Variants in TADA2A observed in about 807,000 individuals in gnomAD.
TADA2A encodes transcriptional adaptor 2A, also known as transcriptional adapter 2-alpha.
In TADA2A, 38 loss-of-function variants were observed where a neutral mutation model predicts 67.4. That is an observed-to-expected ratio of 0.56 (90% confidence interval 0.44 to 0.74). The LOEUF is 0.74. Among genes scored for constraint, TADA2A ranks in the 30% least tolerant of loss-of-function variants. The pLI, the probability that TADA2A is intolerant of heterozygous loss-of-function variation, is 0.00. For synonymous variants in TADA2A, 192 were observed against 181.6 expected, an observed-to-expected ratio of 1.06 and a Z score of -0.46; for missense variants, 454 against 547.0, an observed-to-expected ratio of 0.83 and a Z score of 1.70.
intron 2 of TADA2A, among the ~76,000 whole-genome samples, chr17:37,412,152 A>G (rs891790947): frequency 6.6e-6 from 1 of 150,870 alleles, no homozygotes; most frequent in Admixed American, 6.6e-5. Flanking sequence ...CGGAGCTTGC[A>G]GTGAGCTGAG....
At position 37,437,847 on chromosome 17, in the gene TADA2A, A is replaced by C; in HGVS notation, c.284+18A>C. 3.1e-6 allele frequency: 5 copies of C among 1,609,248 alleles called. No individual in the cohort carries two copies. Among genetic ancestry groups the C allele is most frequent in the Non-Finnish European group, 4.3e-6 (5 of 1,175,552 alleles). Reference sequence around the variant, plus strand: ...GGAAATTGGTAAGAGCTTGGTGTTAAGAGTTGTCCTGCCCTAGTGGACTCA... The same window carrying C: ...GGAAATTGGTAAGAGCTTGGTGTTACGAGTTGTCCTGCCCTAGTGGACTCA... On this transcript the variant is annotated intron_variant, in intron 5 of 15. Transcript: ENST00000615182.
chr17:37,459,361 C>T (rs1268535188), intron 9 of TADA2A, among the ~76,000 whole-genome samples: 1 of 151,280 alleles, frequency 6.6e-6, no homozygotes, highest in African/African-American at 2.4e-5. Context: ...CAGCTCACTG[C>T]AAGTTCTGCC....
At chr17:37,450,061 T>A (rs1360566592) in intron 8 of TADA2A, among the ~76,000 whole-genome samples, 1 of 152,166 alleles carries the variant, frequency 6.6e-6, no homozygotes, top group Non-Finnish European at 1.5e-5. Context: ...ACATTAACGA[T>A]AGCTGATGAG....
At chr17:37,414,135 C>CT (rs1253708395) in intron 2 of TADA2A, among the ~76,000 whole-genome samples, 1 of 152,108 alleles carries the variant, frequency 6.6e-6, no homozygotes, top group Non-Finnish European at 1.5e-5. Context: ...GATCTCATTA[C>CT]TTTTTTATGG....
intron 2 of TADA2A, among the ~76,000 whole-genome samples, chr17:37,413,452 C>T (rs1000470489): frequency 2.0e-5 from 3 of 152,224 alleles, no homozygotes; most frequent in Non-Finnish European, 4.4e-5. Flanking sequence ...ACAATACCCA[C>T]ATACCTTTTG....
rs2053772104 is a variant in TADA2A, at chr17:37,470,839, TCCCTTCC to T, written c.1029-252_1029-246del. 1.3e-5 allele frequency among the ~76,000 whole-genome samples: 2 copies of T among 152,274 alleles called. 1 individual carries two copies. Among genetic ancestry groups the T allele is most frequent in the Middle Eastern group, 6.8e-3 (2 of 294 alleles). On this transcript the variant is annotated intron_variant, in intron 13 of 15. Transcript: ENST00000615182. ...TTTTCACTGGGGAATCATGTTTGTA[TCCCTTCC>T]CCTTGAGTGGTGTTAGTGGTGTTCT... is the stretch of plus-strand genomic sequence containing the variant.
chr17:37,458,596 A>G lies in TADA2A; in HGVS notation c.668+9A>G, dbSNP rs576367815. The G allele has an allele frequency of 1.2e-6, 2 of 1,611,974 alleles. No individual in the cohort carries two copies. Among genetic ancestry groups the G allele is most frequent in the Non-Finnish European group, 1.7e-6 (2 of 1,178,648 alleles). On this transcript the variant is annotated intron_variant, in intron 9 of 15. Transcript: ENST00000615182. Reference sequence around the variant, plus strand: ...AGACAAAGACGAAAAAAGTAAGTATAAAAAACCATCCTGGCCTCCTTTCAG... The same window carrying G: ...AGACAAAGACGAAAAAAGTAAGTATGAAAAACCATCCTGGCCTCCTTTCAG...
At chr17:37,426,663 CAGAAAAAAA>C (rs1441643554) in intron 3 of TADA2A, 1 of 97,680 alleles carries the variant, frequency 1.0e-5, no homozygotes. Flanking sequence ...GACTCCGTCT[CAGAAAAAAA>C]AAAAAAAAAA....
At chr17:37,415,525 G>T (rs2052014534) in intron 2 of TADA2A, among the ~76,000 whole-genome samples, 1 of 151,990 alleles carries the variant, frequency 6.6e-6, no homozygotes, top group South Asian at 2.1e-4. Context: ...GAGATTGCTG[G>T]GTCAAAAGAT....
At chr17:37,455,031 AC>A (rs1450724833) in intron 8 of TADA2A, 1 of 154,772 alleles carries the variant, frequency 6.5e-6, no homozygotes, top group Non-Finnish European at 1.4e-5. Context: ...TTTTCAGAGG[AC>A]ACGTGGCAGG....
chr17:37,443,574 A>T lies in TADA2A; in HGVS notation c.531+922A>T, dbSNP rs138054920. 1.5e-4 allele frequency among the ~76,000 whole-genome samples: 23 copies of T among 152,256 alleles called. No homozygotes were observed. In the East Asian group the frequency reaches 4.4e-3, roughly 29 times the overall value. Reference sequence around the variant, plus strand: ...TGGCTTGTAGTCTGGTTCTTATTGTACATCTAGGGGCTTTCAAGATTGTAC... The same window carrying T: ...TGGCTTGTAGTCTGGTTCTTATTGTTCATCTAGGGGCTTTCAAGATTGTAC... On this transcript the variant is annotated intron_variant, in intron 7 of 15. Coordinates refer to ENST00000615182, the MANE Select transcript of TADA2A (RefSeq NM_001166105.3).
intron 8 of TADA2A, among the ~76,000 whole-genome samples, chr17:37,448,678 A>G (rs554547202): frequency 1.4e-4 from 21 of 152,180 alleles, no homozygotes; most frequent in Non-Finnish European, 2.5e-4. Context: ...CCTGGTTGTA[A>G]TGTCTTCCAA....
At chr17:37,411,089 C>G (rs1035149258) in intron 1 of TADA2A, among the ~76,000 whole-genome samples, 180 bp from the exon 2 acceptor site, 2 of 152,160 alleles carry the variant, frequency 1.3e-5, no homozygotes, top group African/African-American at 4.8e-5. Flanking sequence ...ATTCTCACAA[C>G]TTTGGAAGGT....
chr17:37,473,336 A>G (rs915705222), intron 14 of TADA2A, among the ~76,000 whole-genome samples: 68 of 152,048 alleles, frequency 4.5e-4, no homozygotes, highest in African/African-American at 1.5e-3. Flanking sequence ...TAGGCTGAGG[A>G]GATCTCTTGC....
intron 9 of TADA2A, among the ~76,000 whole-genome samples, chr17:37,460,952 A>G (rs1158745586): frequency 1.3e-5 from 2 of 152,008 alleles, no homozygotes; most frequent in Non-Finnish European, 2.9e-5. Context: ...CAACCTAGGA[A>G]AACCCCATCT....
chr17:37,451,685 C>T (rs1387505844), intron 8 of TADA2A, among the ~76,000 whole-genome samples: 7 of 150,990 alleles, frequency 4.6e-5, no homozygotes, highest in African/African-American at 1.7e-4. Context: ...TTGTATCTTA[C>T]AAAAATCGCA....
intron 8 of TADA2A, chr17:37,450,518 G>C (rs777524832): frequency 1.3e-5 from 2 of 152,154 alleles, no homozygotes; most frequent in Non-Finnish European, 2.9e-5. Context: ...TCTGACTTCT[G>C]CCCACTTCTT....
intron 11 of TADA2A, among the ~76,000 whole-genome samples, chr17:37,465,847 A>G (rs1323506218): frequency 1.3e-5 from 2 of 152,192 alleles, no homozygotes; most frequent in Admixed American, 6.5e-5. Context: ...ACTCCCGTGT[A>G]TCCATCATCC....
Position 37,477,267 on chromosome 17 carries a change from T to C in TADA2A, c.*285T>C, listed in dbSNP as rs1239883972. ...CCTCTTGTAACTAAAAGAACCATAG[T>C]ACCTCACATCACAGTGCTGGTAGAA... On this transcript the variant is annotated 3_prime_UTR_variant, in exon 16 of 16. Coordinates refer to ENST00000615182, the MANE Select transcript of TADA2A (RefSeq NM_001166105.3). The C allele has an allele frequency of 6.1e-6, 2 of 328,192 alleles. No homozygotes were observed. Among genetic ancestry groups the C allele is most frequent in the East Asian group, 9.9e-5 (2 of 20,216 alleles). The allele number at this position is 328,192 out of a possible 1,614,324, so 20.3% of individuals were successfully genotyped here. A position where few individuals can be genotyped will look rare whatever the true frequency, so the allele number is the denominator to read the frequency against.
Sources: gnomAD v4.1 joint callset for allele counts (sites outside exome capture counted in the v4.1 genomes callset) on GRCh38, gnomAD v4.1.1 for gene constraint, MANE v1.5 for transcripts, NCBI Gene and HGNC (gene_info 2026-07-23, HGNC 2026-07-21) for gene names.